HIVEP2: variants seen among roughly 807,000 people sequenced by gnomAD.
The protein encoded by HIVEP2 is HIVEP zinc finger 2.
Under a neutral mutation model 180.7 loss-of-function variants are expected in HIVEP2, and 14 were observed. The observed-to-expected ratio is 0.08, with a 90% confidence interval of 0.05 to 0.12. The LOEUF (loss-of-function observed/expected upper bound fraction) is 0.12. Among genes scored for constraint, HIVEP2 ranks in the 10% least tolerant of loss-of-function variants. The pLI, the probability that HIVEP2 is intolerant of heterozygous loss-of-function variation, is 1.00. For missense variants in HIVEP2, 2,579 were observed against 3,008.5 expected (o/e 0.86, Z 3.34); for synonymous variants, 1,184 against 1,136.4 (o/e 1.04, Z -0.84).
intron 1 of HIVEP2, among the ~76,000 whole-genome samples, chr6:142,846,050 C>A (rs537253419): frequency 6.6e-6 from 1 of 152,212 alleles, no homozygotes; most frequent in Non-Finnish European, 1.5e-5. Flanking sequence ...GTCCAGGCCA[C>A]GGCAACAACA....
chr6:142,779,462 A>G (rs1459642772), intron 3 of HIVEP2: 1 of 152,322 alleles, frequency 6.6e-6, no homozygotes, highest in Non-Finnish European at 1.5e-5. Context: ...TCTACAAAAA[A>G]TACAAAAATT....
intron 3 of HIVEP2, among the ~76,000 whole-genome samples, chr6:142,782,792 A>C (rs1775889860): frequency 6.6e-6 from 1 of 152,252 alleles, no homozygotes; most frequent in Non-Finnish European, 1.5e-5. Flanking sequence ...GCATCATTGC[A>C]TATATTTGTA....
intron 2 of HIVEP2, among the ~76,000 whole-genome samples, chr6:142,786,509 C>T (rs982221576): frequency 2.3e-4 from 35 of 152,118 alleles, no homozygotes; most frequent in Non-Finnish European, 4.4e-4. Context: ...AAATATTTTC[C>T]AATCCTCCAT....
chr6:142,898,020 C>T (rs1436768058), intron 1 of HIVEP2, among the ~76,000 whole-genome samples: 1 of 152,118 alleles, frequency 6.6e-6, no homozygotes, highest in Admixed American at 6.6e-5. Context: ...GCACCTCAGC[C>T]CCACTGATTT....
intron 2 of HIVEP2, among the ~76,000 whole-genome samples, chr6:142,809,086 T>C (rs1373260786): frequency 6.6e-6 from 1 of 152,010 alleles, no homozygotes; most frequent in African/African-American, 2.4e-5. Context: ...AGTAGTATGG[T>C]ATGCCCAGCA....
chr6:142,932,999 A>G (rs1777976431), intron 1 of HIVEP2, among the ~76,000 whole-genome samples: 1 of 152,220 alleles, frequency 6.6e-6, no homozygotes, highest in Non-Finnish European at 1.5e-5. Context: ...GCCCTAAATA[A>G]GGCATCATTG....
chr6:142,906,143 T>G (rs1476787889), intron 1 of HIVEP2, among the ~76,000 whole-genome samples: 1 of 151,922 alleles, frequency 6.6e-6, no homozygotes, highest in Non-Finnish European at 1.5e-5. Context: ...CAAAAAAAAA[T>G]TAATAATAAC....
At position 142,772,498 on chromosome 6, in the gene HIVEP2, G is replaced by A. The variant is rs769633330; in HGVS notation, c.2241C>T (p.His747=). Residue 747 remains histidine, a synonymous_variant, in exon 5 of 10, where the codon CAC becomes CAT. Transcript: ENST00000367603. The surrounding 1 kb of genome is among the most constrained non-coding windows in gnomAD (Gnocchi z 4.9). ...CCGTGTGACCATGAGAAAGGTTTTCGTGTCCAGCCATGGCAAATCCACTCC... is the reference window on the plus strand; with the variant it reads ...CCGTGTGACCATGAGAAAGGTTTTCATGTCCAGCCATGGCAAATCCACTCC... The part of the protein sequence containing the change: ...GVRSGFAMAG[H]ENLSHGHTER... The A allele has an allele frequency of 1.1e-5, 18 of 1,613,952 alleles. No homozygotes were observed. The highest frequency in any genetic ancestry group is 4.5e-5 in the East Asian group (2 of 44,892).
At position 142,770,069 on chromosome 6, in the gene HIVEP2, C is replaced by T; in HGVS notation, c.4670G>A (p.Ser1557Asn). 1 of 1,614,252 alleles carries T rather than the reference C, an allele frequency of 6.2e-7. No individual in the cohort carries two copies. The highest frequency in any genetic ancestry group is 8.5e-7 in the Non-Finnish European group (1 of 1,180,054). Residue 1557 changes from serine (S) to asparagine (N), a missense_variant, in exon 5 of 10, where the codon AGT becomes AAT. Coordinates refer to ENST00000367603, the MANE Select transcript of HIVEP2 (RefSeq NM_006734.4). This position sits in a 1 kb window ranked among gnomAD's most constrained non-coding sequence, Gnocchi z 4.7. ...SRAPLPGQKS[S>N]GPSESKESSD... ...AGATTCTTTGCTTTCAGAAGGCCCACTGGACTTCTGCCCCGGAAGTGGTGC... is the reference window on the plus strand; with the variant it reads ...AGATTCTTTGCTTTCAGAAGGCCCATTGGACTTCTGCCCCGGAAGTGGTGC...
chr6:142,926,806 G>A (rs974444926), intron 1 of HIVEP2, among the ~76,000 whole-genome samples: 1 of 151,568 alleles, frequency 6.6e-6, no homozygotes, highest in African/African-American at 2.4e-5. Flanking sequence ...GCCCGCGGCC[G>A]AGAAACTAGG....
chr6:142,809,796 T>C (rs921703805), intron 2 of HIVEP2, among the ~76,000 whole-genome samples: 33 of 152,306 alleles, frequency 2.2e-4, no homozygotes, highest in Non-Finnish European at 3.8e-4. Context: ...GGTTTCACCA[T>C]GTTGGCAGGC....
At chr6:142,870,785 G>C (rs1331235862) in intron 1 of HIVEP2, among the ~76,000 whole-genome samples, 2 of 152,046 alleles carry the variant, frequency 1.3e-5, no homozygotes, top group Non-Finnish European at 2.9e-5. Flanking sequence ...AGAATTGAGG[G>C]AACCAGGACA....
rs375356519 is a variant in HIVEP2, at chr6:142,926,637, T to C, written c.-641+18462A>G. Among the ~76,000 whole-genome samples, 12 of 152,284 alleles carry C rather than the reference T, an allele frequency of 7.9e-5. No homozygotes were observed. In the South Asian group the frequency reaches 2.1e-3, roughly 26 times the overall value. ...TGCTCCGGGCCCACCTGACTGGGCG[T>C]CCTCTGAGTCAGGGAGGTGCCAGTG... On this transcript the variant is annotated intron_variant, in intron 1 of 9. Coordinates refer to ENST00000367603, the MANE Select transcript of HIVEP2 (RefSeq NM_006734.4).
chr6:142,867,994 A>AT (rs1262710310), intron 1 of HIVEP2, among the ~76,000 whole-genome samples: 3 of 152,196 alleles, frequency 2.0e-5, no homozygotes, highest in Admixed American at 2.0e-4. Flanking sequence ...ATATACTGTC[A>AT]TTTTATACCT....
intron 3 of HIVEP2, among the ~76,000 whole-genome samples, chr6:142,777,858 G>T (rs1775745234): frequency 6.6e-6 from 1 of 152,080 alleles, no homozygotes; most frequent in Non-Finnish European, 1.5e-5. Context: ...ATGTACTGCA[G>T]ATTCCTAAAG....
chr6:142,877,130 C>G (rs1204195987), intron 1 of HIVEP2, among the ~76,000 whole-genome samples: 1 of 152,104 alleles, frequency 6.6e-6, no homozygotes. Flanking sequence ...TATTTTTGCC[C>G]TTTTCTTTAT....
chr6:142,797,837 G>C (rs1212716233), intron 2 of HIVEP2, among the ~76,000 whole-genome samples: 1 of 152,044 alleles, frequency 6.6e-6, no homozygotes, highest in African/African-American at 2.4e-5. Context: ...ATAGGATTCA[G>C]TACCCTCTAT....
intron 1 of HIVEP2, among the ~76,000 whole-genome samples, chr6:142,939,397 CA>C (rs926167049): frequency 6.6e-6 from 1 of 151,974 alleles, no homozygotes; most frequent in Non-Finnish European, 1.5e-5. Flanking sequence ...CCTCTCTGCT[CA>C]AAAACCTTCA....
chr6:142,850,022 A>G lies in HIVEP2; in HGVS notation c.-640-12975T>C, dbSNP rs146010415. On this transcript the variant is annotated intron_variant, in intron 1 of 9. Coordinates refer to ENST00000367603, the MANE Select transcript of HIVEP2 (RefSeq NM_006734.4). The stretch of plus-strand genomic sequence containing the variant: ...ACACAAATCAGGTCAAATAAGTCAA[A>G]GACCCAAAAGATGTCACTGAATTTC... Among the ~76,000 whole-genome samples, 572 of 152,328 alleles carry G rather than the reference A, an allele frequency of 3.8e-3. 2 individuals carry two copies. The highest frequency in any genetic ancestry group is 0.013 in the African/African-American group (537 of 41,570).
Sources: allele counts gnomAD v4.1 joint callset (sites outside exome capture counted in the v4.1 genomes callset), GRCh38; gene constraint gnomAD v4.1.1; non-coding constraint Gnocchi (gnomAD v3.1); transcripts MANE v1.5; gene names NCBI Gene and HGNC (gene_info 2026-07-23, HGNC 2026-07-21).